Variants in DLX1 observed in about 807,000 individuals in gnomAD.
DLX1 encodes distal-less homeobox 1, also known as homeobox protein DLX-1.
Under a neutral mutation model 25.0 loss-of-function variants are expected in DLX1, and 7 were observed. The ratio of observed to expected loss-of-function variants is 0.28; its 90% confidence interval spans 0.16 to 0.52. The LOEUF is 0.52. Among genes scored for constraint, DLX1 ranks in the 20% least tolerant of loss-of-function variants. DLX1 has a pLI of 0.96. For missense variants in DLX1, 233 were observed against 334.4 expected, an observed-to-expected ratio of 0.70 and a Z score of 2.37; for synonymous variants, 155 against 140.3, an observed-to-expected ratio of 1.10 and a Z score of -0.74.
In DLX1 at chr2:172,085,644, G is replaced by A; in HGVS notation, c.-34G>A. ...AGACCCCCAAAAGGGAAGCAGAGGA[G>A]AGAAAGTCCCACACCCAGACCCCGC... On this transcript the variant is annotated 5_prime_UTR_variant, in exon 1 of 3. Transcript: ENST00000361725. This position sits in a 1 kb window ranked among gnomAD's most constrained non-coding sequence, Gnocchi z 4.3. 6.3e-7 allele frequency: 1 copy of A among 1,588,570 alleles called. No homozygotes were observed. Among genetic ancestry groups the A allele is most frequent in the Non-Finnish European group, 8.6e-7 (1 of 1,168,126 alleles).
At chr2:172,086,235 A>G in intron 1 of DLX1, 1 of 558,704 alleles carries the variant, frequency 1.8e-6, no homozygotes. Context: ...GATAAATCCC[A>G]GAGCGTCTCC....
rs1472610182 is a variant in DLX1, at chr2:172,085,949, C to A, written c.272C>A (p.Pro91Gln). ...TACATCAGTTCGGTGCAGTCCTACCCGGGCAGCGCCAGCCTCGCCCAGAGC... is the reference window on the plus strand; with the variant it reads ...TACATCAGTTCGGTGCAGTCCTACCAGGGCAGCGCCAGCCTCGCCCAGAGC... ...SPYISSVQSY[P>Q]GSASLAQSRL... Residue 91 changes from proline to glutamine, a missense_variant, in exon 1 of 3, where the codon CCG becomes CAG. By Grantham distance (76) the Pro-to-Gln change is moderately conservative. This residue lies in a region of DLX1 where 126 missense variants were observed against 170.4 expected (regional missense o/e 0.74). Transcript: ENST00000361725. The surrounding 1 kb of genome is among the most constrained non-coding windows in gnomAD (Gnocchi z 4.3). The A allele has an allele frequency of 6.2e-7, 1 of 1,613,802 alleles. No individual in the cohort carries two copies. Among genetic ancestry groups the A allele is most frequent in the African/African-American group, 1.3e-5 (1 of 74,930 alleles).
chr2:172,087,101 G>A (rs1057189542), intron 2 of DLX1: 1 of 699,252 alleles, frequency 1.4e-6, no homozygotes, highest in South Asian at 1.5e-5. Flanking sequence ...TGATTAGGGC[G>A]CAGGAAGGAT....
intron 2 of DLX1, chr2:172,087,467 C>T: frequency 4.4e-6 from 2 of 455,292 alleles, no homozygotes; most frequent in South Asian, 3.1e-5. Flanking sequence ...CAAACAGACA[C>T]TAGTGCAAGA....
In DLX1 at chr2:172,088,224, C is replaced by T. The variant is rs1447102787; in HGVS notation, c.735C>T (p.His245=). Residue 245 remains histidine, a synonymous_variant, in exon 3 of 3, where the codon CAC becomes CAT. Coordinates refer to ENST00000361725, the MANE Select transcript of DLX1 (RefSeq NM_178120.5). ...ACACATCGTGGTACCCTTCAGCGCA[C>T]CAAGAAGCTATGCAGCAACCCCAAC... ...PSYTSWYPSA[H]QEAMQQPQLM is the part of the protein sequence containing the mutation. The T allele has an allele frequency of 1.3e-6, 2 of 1,560,930 alleles. No homozygotes were observed.
intron 2 of DLX1, chr2:172,087,558 C>T (rs920636064): frequency 8.6e-6 from 4 of 463,382 alleles, no homozygotes; most frequent in Non-Finnish European, 1.7e-5. Context: ...GAAAAGATGG[C>T]GCATAGAAAA....
intron 2 of DLX1, chr2:172,087,166 A>G (rs1437781275): frequency 3.3e-6 from 2 of 606,882 alleles, no homozygotes; most frequent in Non-Finnish European, 6.3e-6. Context: ...AAACAACTGG[A>G]ACAATAGACT....
chr2:172,088,103 T>A lies in DLX1; in HGVS notation c.614T>A (p.Leu205Gln), dbSNP rs1690893974. The change falls in exon 3 of 3, where the codon CTG (leucine) becomes CAG (glutamine). Residue 205 changes from leucine (L) to glutamine (Q), a missense_variant. Physicochemically the swap from Leu to Gln is moderately radical, Grantham distance 113. Transcript: ENST00000361725. ...EGSALANGRALSAGSPPVPPG... is the reference protein window; with the variant it reads ...EGSALANGRAQSAGSPPVPPG... Reference sequence around the variant, plus strand: ...AGTGCGTTGGCCAACGGTCGGGCCCTGTCTGCTGGCTCCCCACCCGTGCCG... The same window carrying A: ...AGTGCGTTGGCCAACGGTCGGGCCCAGTCTGCTGGCTCCCCACCCGTGCCG... 6.2e-7 allele frequency: 1 copy of A among 1,605,750 alleles called. No individual in the cohort carries two copies. Among genetic ancestry groups the A allele is most frequent in the Non-Finnish European group, 8.5e-7 (1 of 1,175,920 alleles).
chr2:172,087,263 C>T (rs1574156211), intron 2 of DLX1: 1 of 391,092 alleles, frequency 2.6e-6, no homozygotes, highest in Non-Finnish European at 5.0e-6. Context: ...CCTCCTCCTC[C>T]TTCTTACCGG....
rs925179132 is a variant in DLX1, at chr2:172,087,897, G to A, written c.514-106G>A. 20 of 1,451,330 alleles carry A rather than the reference G, an allele frequency of 1.4e-5. No homozygotes were observed. In the Admixed American group the frequency reaches 3.9e-4, roughly 28 times the overall value. 89.9% of individuals were successfully genotyped at this position (1,451,330 alleles called of 1,614,324 possible). A position where few individuals can be genotyped will look rare whatever the true frequency, so the allele number is the denominator to read the frequency against. On this transcript the variant is annotated intron_variant, in intron 2 of 2. Transcript: ENST00000361725. ...GCAGGGAGCTGCCAGCTGGCGCAGG[G>A]TTGGGAGGTCCTATCTCTGCTGTTC...
At position 172,088,123 on chromosome 2, in the gene DLX1, G is replaced by A. The variant is rs1215230348; in HGVS notation, c.634G>A (p.Val212Met). 1.2e-6 allele frequency: 2 copies of A among 1,608,730 alleles called. No individual in the cohort carries two copies. Among genetic ancestry groups the A allele is most frequent in the Non-Finnish European group, 8.5e-7 (1 of 1,177,382 alleles). Reference protein sequence around the residue: ...GRALSAGSPPVPPGWNPNSSS... With the variant: ...GRALSAGSPPMPPGWNPNSSS... ...GGCCCTGTCTGCTGGCTCCCCACCCGTGCCGCCCGGCTGGAACCCTAACTC... is the reference window on the plus strand; with the variant it reads ...GGCCCTGTCTGCTGGCTCCCCACCCATGCCGCCCGGCTGGAACCCTAACTC... Residue 212 changes from valine to methionine, a missense_variant, in exon 3 of 3, where the codon GTG becomes ATG. Physicochemically the swap from Val to Met is conservative, Grantham distance 21 (BLOSUM62 1). Transcript: ENST00000361725.
At chr2:172,086,631 C>T (rs546174170) in intron 1 of DLX1, 23 bp from the exon 2 acceptor site, 1 of 1,516,658 alleles carries the variant, frequency 6.6e-7, no homozygotes, top group South Asian at 1.3e-5. Flanking sequence ...TAACAACGGG[C>T]CCTACTTCTG....
In DLX1 at chr2:172,086,049, G is replaced by A; in HGVS notation, c.313+59G>A. On this transcript the variant is annotated intron_variant, in intron 1 of 2. Coordinates refer to ENST00000361725, the MANE Select transcript of DLX1 (RefSeq NM_178120.5). ...AGGTACAAGGGAGAGAGGGAAAGAAGGAGCGGGGGAGAAGAGGAGAGGGAG... is the reference window on the plus strand; with the variant it reads ...AGGTACAAGGGAGAGAGGGAAAGAAAGAGCGGGGGAGAAGAGGAGAGGGAG... The A allele has an allele frequency of 1.0e-5, 15 of 1,503,824 alleles. No individual in the cohort carries two copies. In the South Asian group the frequency reaches 1.4e-4, roughly 14 times the overall value. 93.2% of individuals were successfully genotyped at this position (1,503,824 alleles called of 1,614,324 possible).
intron 1 of DLX1, 81 bp downstream of exon 1, chr2:172,086,071 GGA>G (rs1296945154): frequency 2.5e-4 from 266 of 1,049,500 alleles, no homozygotes; most frequent in Admixed American, 2.9e-4. Flanking sequence ...AAGAGGAGAG[GGA>G]GAGAGAGAGA....
intron 2 of DLX1, 150 bp downstream of exon 2, chr2:172,087,003 T>C: frequency 4.9e-6 from 4 of 822,260 alleles, no homozygotes; most frequent in Non-Finnish European, 8.4e-6. Flanking sequence ...GCGTGTCTCC[T>C]TCCTCCCTCA....
At position 172,088,325 on chromosome 2, in the gene DLX1, C is replaced by G; in HGVS notation, c.*68C>G. ...CTCCCGCCTCCAGGTCCATCCATCC[C>G]GTCCGGAAAAGAAGGACCCAGAGGG... On this transcript the variant is annotated 3_prime_UTR_variant, in exon 3 of 3. Coordinates refer to ENST00000361725, the MANE Select transcript of DLX1 (RefSeq NM_178120.5). 5 of 1,404,592 alleles carry G rather than the reference C, an allele frequency of 3.6e-6. No individual in the cohort carries two copies. The Admixed American group carries it at 1.2e-4, about 32-fold the overall frequency. 87.0% of individuals were successfully genotyped at this position (1,404,592 alleles called of 1,614,324 possible).
At chr2:172,087,955 T>TA in intron 2 of DLX1, 48 bp from the exon 3 acceptor site, 8 of 1,506,866 alleles carry the variant, frequency 5.3e-6, no homozygotes, top group Non-Finnish European at 7.1e-6. Context: ...GTGACCTAGG[T>TA]AGGCTCAGTG....
intron 2 of DLX1, 151 bp from the exon 3 acceptor site, chr2:172,087,852 G>A: frequency 8.5e-7 from 1 of 1,176,080 alleles, no homozygotes; most frequent in Non-Finnish European, 1.2e-6. Flanking sequence ...GGAGGAAGGA[G>A]GGATGTCTCT....
In DLX1 at chr2:172,087,869, C is replaced by G. The variant is rs1690874829; in HGVS notation, c.514-134C>G. On this transcript the variant is annotated intron_variant, in intron 2 of 2. Coordinates refer to ENST00000361725, the MANE Select transcript of DLX1 (RefSeq NM_178120.5). Reference sequence around the variant, plus strand: ...AGGAAGGAGGGATGTCTCTGCTTCTCTGGCAGGGAGCTGCCAGCTGGCGCA... The same window carrying G: ...AGGAAGGAGGGATGTCTCTGCTTCTGTGGCAGGGAGCTGCCAGCTGGCGCA... 3 of 1,306,118 alleles carry G rather than the reference C, an allele frequency of 2.3e-6. No individual in the cohort carries two copies. The East Asian group carries it at 7.0e-5, about 31-fold the overall frequency. The allele number at this position is 1,306,118 out of a possible 1,614,324, so 80.9% of individuals were successfully genotyped here. A position where few individuals can be genotyped will look rare whatever the true frequency, so the allele number is the denominator to read the frequency against.
Sources: allele counts gnomAD v4.1 joint callset, GRCh38; gene constraint gnomAD v4.1.1; regional missense constraint gnomAD v4.1.1; non-coding constraint Gnocchi (gnomAD v3.1); transcripts MANE v1.5; gene names NCBI Gene and HGNC (gene_info 2026-07-23, HGNC 2026-07-21).